DOCK4: variants seen among roughly 807,000 people sequenced by gnomAD.
DOCK4 encodes dedicator of cytokinesis 4, also known as dedicator of cytokinesis protein 4.
A neutral mutation model predicts 268.1 loss-of-function variants in DOCK4; 97 were observed. The observed-to-expected ratio is 0.36, with a 90% confidence interval of 0.31 to 0.43. The LOEUF (loss-of-function observed/expected upper bound fraction) is 0.43. Ranked by LOEUF, DOCK4 falls within the 20% of genes least tolerant of loss-of-function variation. The pLI is 1.00. For missense variants in DOCK4, 2,145 were observed against 2,455.7 expected (o/e 0.87, Z 2.67); for synonymous variants, 954 against 887.2 (o/e 1.08, Z -1.34).
chr7:112,134,781 G>T (rs184605451), intron 1 of DOCK4, among the ~76,000 whole-genome samples: 12 of 149,110 alleles, frequency 8.0e-5, no homozygotes, highest in Admixed American at 2.0e-4. Context: ...TAAGGAAGTG[G>T]ATTCTAAAAT....
intron 23 of DOCK4, among the ~76,000 whole-genome samples, chr7:111,853,089 C>T (rs1274063567): frequency 6.6e-6 from 1 of 152,204 alleles, no homozygotes; most frequent in Non-Finnish European, 1.5e-5. Context: ...ATACAGCCAG[C>T]TCCCATCAGT....
At chr7:112,103,645 G>A (rs1456843966) in intron 1 of DOCK4, among the ~76,000 whole-genome samples, 13 of 152,196 alleles carry the variant, frequency 8.5e-5, no homozygotes, top group Admixed American at 8.5e-4. Flanking sequence ...ACTTTGGGAG[G>A]CCGAAGCAGA....
chr7:111,832,561 T>G (rs1039634393), intron 26 of DOCK4, among the ~76,000 whole-genome samples: 1 of 152,070 alleles, frequency 6.6e-6, no homozygotes, highest in African/African-American at 2.4e-5. Flanking sequence ...GGAGTCTCAC[T>G]CTGTTGCCCA....
At position 111,728,336 on chromosome 7, in the gene DOCK4, C is replaced by A. The variant is rs776533850; in HGVS notation, c.5866G>T (p.Ala1956Ser). The A allele has an allele frequency of 1.6e-5, 25 of 1,518,732 alleles. No individual in the cohort carries two copies. The Admixed American group carries it at 3.6e-4, about 22-fold the overall frequency. The allele number at this position is 1,518,732 out of a possible 1,614,324, so 94.1% of individuals were successfully genotyped here. A position where few individuals can be genotyped will look rare whatever the true frequency, so the allele number is the denominator to read the frequency against. The stretch of plus-strand genomic sequence containing the variant: ...CGCGGGCCGGGGTCAGTCCTCCGGG[C>A]CCCATTCTCCAGGTGGCTGGATCGC... ...AARSSHLENG[A>S]RRTDPGPRPR... is the part of the protein sequence containing the mutation. The change falls in exon 53 of 53, where the codon GCC becomes TCC. Residue 1956 changes from alanine to serine, a missense_variant. Ala to Ser is a moderately conservative substitution (Grantham distance 99). Transcript: ENST00000428084.
intron 1 of DOCK4, among the ~76,000 whole-genome samples, chr7:112,005,722 T>C (rs1800804336): frequency 6.6e-6 from 1 of 152,176 alleles, no homozygotes; most frequent in South Asian, 2.1e-4. Flanking sequence ...GAAGTCTTGG[T>C]GCATGGACTT....
intron 8 of DOCK4, among the ~76,000 whole-genome samples, chr7:111,951,397 A>G (rs1796034373): frequency 6.6e-6 from 1 of 152,132 alleles, no homozygotes; most frequent in East Asian, 1.9e-4. Flanking sequence ...TAAGTTGGCC[A>G]AAGTTGTGTG....
At chr7:112,038,018 T>A (rs1803983623) in intron 1 of DOCK4, among the ~76,000 whole-genome samples, 1 of 152,240 alleles carries the variant, frequency 6.6e-6, no homozygotes, top group Admixed American at 6.5e-5. Flanking sequence ...TCCAGTTTCA[T>A]TTTATTAAAT....
intron 13 of DOCK4, among the ~76,000 whole-genome samples, chr7:111,909,399 G>A (rs1163261064): frequency 1.3e-5 from 2 of 152,106 alleles, no homozygotes; most frequent in African/African-American, 4.8e-5. Context: ...TCTAACTCCA[G>A]TCTGTAAATC....
At chr7:112,138,172 C>A (rs1814542951) in intron 1 of DOCK4, among the ~76,000 whole-genome samples, 1 of 152,218 alleles carries the variant, frequency 6.6e-6, no homozygotes, top group African/African-American at 2.4e-5. Context: ...TTCCCTTTTA[C>A]TCTAAAGACA....
intron 1 of DOCK4, among the ~76,000 whole-genome samples, chr7:112,129,812 G>A (rs938040002): frequency 1.3e-5 from 2 of 152,194 alleles, no homozygotes; most frequent in African/African-American, 2.4e-5. Context: ...TTATGGGGTT[G>A]TCATTTCCCC....
chr7:112,025,503 G>A (rs1468207), intron 1 of DOCK4, among the ~76,000 whole-genome samples: 42,075 of 151,900 alleles, frequency 0.28, 6,203 homozygotes, highest in African/African-American at 0.34. Context: ...AACTCTATCA[G>A]TGTGATAAGT....
intron 36 of DOCK4, among the ~76,000 whole-genome samples, chr7:111,772,096 T>C (rs1303039266): frequency 6.6e-6 from 1 of 152,014 alleles, no homozygotes; most frequent in Non-Finnish European, 1.5e-5. Context: ...TTGCCAGGGG[T>C]AAGAGGAATG....
At chr7:112,016,709 A>T (rs1801840077) in intron 1 of DOCK4, among the ~76,000 whole-genome samples, 1 of 152,120 alleles carries the variant, frequency 6.6e-6, no homozygotes, top group Non-Finnish European at 1.5e-5. Flanking sequence ...TTTAGTCTTG[A>T]TTTCTTTAAC....
intron 13 of DOCK4, among the ~76,000 whole-genome samples, chr7:111,903,367 C>T (rs1389481035): frequency 1.3e-5 from 2 of 152,172 alleles, no homozygotes; most frequent in Non-Finnish European, 2.9e-5. Context: ...ACAGAGGTCT[C>T]TGGCTTATGA....
chr7:112,134,963 T>C (rs1450600661), intron 1 of DOCK4, among the ~76,000 whole-genome samples: 1 of 152,170 alleles, frequency 6.6e-6, no homozygotes, highest in Non-Finnish European at 1.5e-5. Context: ...ATGATTGCTA[T>C]AAAATTTATT....
At chr7:111,869,767 C>G (rs1806263295) in intron 20 of DOCK4, 112 bp from the exon 21 acceptor site, 1 of 844,854 alleles carries the variant, frequency 1.2e-6, no homozygotes, top group African/African-American at 1.7e-5. Flanking sequence ...CCCATCAGTT[C>G]TCACATTTTC....
rs773769169 is a variant in DOCK4, at chr7:111,912,182, C to A, written c.1192+3597G>T. On this transcript the variant is annotated intron_variant, in intron 13 of 52. Transcript: ENST00000428084. ...GCAATCTCATTATTGGGTCTCATAG[C>A]TATGCCAGGTGCCTTGTCAGATACA... 1.5e-4 allele frequency among the ~76,000 whole-genome samples: 23 copies of A among 152,316 alleles called. 1 individual carries two copies. The highest frequency in any genetic ancestry group is 6.8e-3 in the Middle Eastern group (2 of 294).
At chr7:111,832,398 G>T (rs997509329) in intron 26 of DOCK4, among the ~76,000 whole-genome samples, 7 of 152,194 alleles carry the variant, frequency 4.6e-5, no homozygotes, top group Non-Finnish European at 7.3e-5. Context: ...CAGGAACAGG[G>T]TATCTTGTGC....
At position 111,884,800 on chromosome 7, in the gene DOCK4, CTCTT is replaced by C. The variant is rs368290490; in HGVS notation, c.1588-7618_1588-7615del. 2.7e-4 allele frequency among the ~76,000 whole-genome samples: 41 copies of C among 152,260 alleles called. No homozygotes were observed. In the East Asian group the frequency reaches 6.9e-3, roughly 26 times the overall value. ...CAACAAATGTGCTAGAAATCATTCA[CTCTT>C]TCATTCAACGACAAGGGATAGGGAA... On this transcript the variant is annotated intron_variant, in intron 16 of 52. Transcript: ENST00000428084.
Sources: gnomAD v4.1 joint callset for allele counts (sites outside exome capture counted in the v4.1 genomes callset) on GRCh38, gnomAD v4.1.1 for gene constraint, MANE v1.5 for transcripts, NCBI Gene and HGNC (gene_info 2026-07-23, HGNC 2026-07-21) for gene names.